BPI: variants seen among roughly 807,000 people sequenced by gnomAD.
BPI encodes the protein bactericidal permeability-increasing protein.
A neutral mutation model predicts 57.6 loss-of-function variants in BPI; 48 were observed. The ratio of observed to expected loss-of-function variants is 0.83; its 90% CI spans 0.66 to 1.06. The LOEUF (loss-of-function observed/expected upper bound fraction) is 1.06. BPI is among the 50% of genes least tolerant of loss of function. BPI has a pLI of 0.00. For synonymous variants in BPI, 237 were observed against 238.2 expected (o/e 0.99, Z 0.05); for missense variants, 651 against 609.7 (o/e 1.07, Z -0.71).
chr20:38,314,131 TGATGATGGTGGTGGTGAGATTGAG>T lies in BPI; in HGVS notation c.600+2199_600+2222del, dbSNP rs1181960166. On this transcript the variant is annotated intron_variant, in intron 5 of 14. Coordinates refer to ENST00000642449, the MANE Select transcript of BPI (RefSeq NM_001725.3). Reference sequence around the variant, plus strand: ...ATGGTAATGGTGGGGAAGATGATGATGATGATGGTGGTGGTGAGATTGAGGATGGTGATGGTGGGGATGATGATA... The same window carrying T: ...ATGGTAATGGTGGGGAAGATGATGATGATGGTGATGGTGGGGATGATGATA... Among the ~76,000 whole-genome samples, 338 of 136,410 alleles carry T rather than the reference TGATGATGGTGGTGGTGAGATTGAG, an allele frequency of 2.5e-3. 3 individuals carry two copies. The highest frequency in any genetic ancestry group is 2.9e-3 in the Admixed American group (38 of 13,238). 89.5% of individuals were successfully genotyped at this position (136,410 alleles called of 152,430 possible).
chr20:38,320,230 G>T lies in BPI; in HGVS notation c.712G>T (p.Ala238Ser). The T allele has an allele frequency of 1.9e-6, 3 of 1,614,066 alleles. No individual in the cohort carries two copies. The highest frequency in any genetic ancestry group is 2.5e-6 in the Non-Finnish European group (3 of 1,180,002). Residue 238 changes from alanine to serine, a missense_variant, in exon 7 of 15, where the codon GCA becomes TCA. Ala to Ser is a moderately conservative substitution (Grantham distance 99). Transcript: ENST00000642449. ...SVAGINYGLV[A>S]PPATTAETLD... ...GGCTGGAATCAACTATGGTCTGGTG[G>T]CACCTCCAGCAACCACGGCTGAGAC...
Position 38,335,693 on chromosome 20 carries a change from T to C in BPI, c.1413+19T>C. On this transcript the variant is annotated intron_variant, in intron 14 of 14. Transcript: ENST00000642449. ...TCACCAGGTGAGTCCCGGAGTCTTT[T>C]CCACAAATCTCCCCTAACGATAGTG... 1 of 1,607,704 alleles carries C rather than the reference T, an allele frequency of 6.2e-7. No homozygotes were observed. The highest frequency in any genetic ancestry group is 1.1e-5 in the South Asian group (1 of 90,974).
Position 38,320,270 on chromosome 20 carries a change from T to A in BPI, c.752T>A (p.Met251Lys). The change falls in exon 7 of 15, where the codon ATG (methionine) becomes AAG (lysine). Residue 251 changes from methionine (M) to lysine (K), a missense_variant. Met to Lys is a moderately conservative substitution (Grantham distance 95). Coordinates refer to ENST00000642449, the MANE Select transcript of BPI (RefSeq NM_001725.3). ...ATTAETLDVQ[M>K]KGEFYSENHH... is the part of the protein sequence containing the mutation. Reference sequence around the variant, plus strand: ...ACGGCTGAGACCCTGGATGTACAGATGAAGGTGAGGCTGACACTGAGAATC... The same window carrying A: ...ACGGCTGAGACCCTGGATGTACAGAAGAAGGTGAGGCTGACACTGAGAATC... 6 of 1,613,690 alleles carry A rather than the reference T, an allele frequency of 3.7e-6. No homozygotes were observed. The highest frequency in any genetic ancestry group is 2.2e-5 in the South Asian group (2 of 91,044).
chr20:38,315,867 C>T (rs1480622261), intron 5 of BPI, among the ~76,000 whole-genome samples: 1 of 136,398 alleles, frequency 7.3e-6, no homozygotes, highest in African/African-American at 2.7e-5. Flanking sequence ...AAGTCTCTCT[C>T]TGTTGCCCAG....
At chr20:38,335,745 C>A in intron 14 of BPI, 71 bp downstream of exon 14, 2 of 1,448,206 alleles carry the variant, frequency 1.4e-6, no homozygotes, top group Non-Finnish European at 1.9e-6. Context: ...GGCTGCAATG[C>A]TTCCTGCATG....
intron 4 of BPI, 115 bp from the exon 5 acceptor site, chr20:38,311,759 G>A (rs2122502015): frequency 1.1e-6 from 1 of 942,990 alleles, no homozygotes; most frequent in East Asian, 2.4e-5. Context: ...CAGAGGAGAG[G>A]GTGCCAAAAC....
chr20:38,330,930 G>T, intron 11 of BPI, 118 bp from the exon 12 acceptor site: 2 of 1,179,010 alleles, frequency 1.7e-6, no homozygotes, highest in Non-Finnish European at 2.5e-6. Flanking sequence ...AAGGGGAGTG[G>T]ATACTGGGTG....
intron 12 of BPI, among the ~76,000 whole-genome samples, chr20:38,333,961 A>G (rs984374896): frequency 6.7e-6 from 1 of 150,008 alleles, no homozygotes; most frequent in Non-Finnish European, 1.5e-5. Context: ...TTCTCGCCTC[A>G]GCCTCCCAAA....
chr20:38,307,849 G>A (rs867024885), intron 2 of BPI, among the ~76,000 whole-genome samples, 168 bp downstream of exon 2: 1 of 152,096 alleles, frequency 6.6e-6, no homozygotes, highest in African/African-American at 2.4e-5. Context: ...GAGCGTGGAG[G>A]AAGCCACAAA....
chr20:38,333,062 C>A (rs1020119580), intron 12 of BPI, among the ~76,000 whole-genome samples: 1 of 152,014 alleles, frequency 6.6e-6, no homozygotes, highest in African/African-American at 2.4e-5. Flanking sequence ...GCCCTCCAAC[C>A]CCAAAGTCAT....
intron 10 of BPI, 78 bp from the exon 11 acceptor site, chr20:38,327,510 C>A (rs2076719343): frequency 7.2e-6 from 11 of 1,518,702 alleles, no homozygotes; most frequent in Admixed American, 3.5e-5. Flanking sequence ...CGTTGTGAAG[C>A]TGACCCTTCT....
intron 11 of BPI, among the ~76,000 whole-genome samples, chr20:38,330,716 T>C (rs547426587): frequency 6.6e-6 from 1 of 152,310 alleles, no homozygotes; most frequent in Non-Finnish European, 1.5e-5. Flanking sequence ...TTATTCCCAA[T>C]ATTCCCAGCA....
chr20:38,325,036 C>T (rs985038824), intron 9 of BPI, among the ~76,000 whole-genome samples: 2 of 152,180 alleles, frequency 1.3e-5, no homozygotes, highest in African/African-American at 4.8e-5. Context: ...GGAGTAGATG[C>T]TGGCAGGAGG....
intron 2 of BPI, among the ~76,000 whole-genome samples, chr20:38,307,919 G>C (rs1210813875): frequency 6.6e-6 from 1 of 152,210 alleles, no homozygotes; most frequent in Non-Finnish European, 1.5e-5. Context: ...ATGTCAATTA[G>C]AATGTGCAAG....
chr20:38,311,170 T>G (rs1022075405), intron 4 of BPI, among the ~76,000 whole-genome samples: 1 of 152,210 alleles, frequency 6.6e-6, no homozygotes. Context: ...CCCCATTTTC[T>G]GGGGAGAAAA....
At position 38,327,568 on chromosome 20, in the gene BPI, C is replaced by T. The variant is rs770774033; in HGVS notation, c.1162-20C>T. ...GGTGCCTGGGTCAGGGCACTTCACC[C>T]TGGGTTGTTGTTTTGGCAGCACACA... On this transcript the variant is annotated intron_variant, in intron 10 of 14. Coordinates refer to ENST00000642449, the MANE Select transcript of BPI (RefSeq NM_001725.3). 8.7e-6 allele frequency: 14 copies of T among 1,612,076 alleles called. No individual in the cohort carries two copies. The South Asian group carries it at 1.4e-4, about 16-fold the overall frequency.
In BPI at chr20:38,337,406, G is replaced by A. The variant is rs1368552925; in HGVS notation, c.*222G>A. ...ATTATGAGCTTCTTTCAAGGGCTAA[G>A]GCTGCAGAGATATTTCCTCCAGGAA... is the stretch of plus-strand genomic sequence containing the variant. On this transcript the variant is annotated 3_prime_UTR_variant, in exon 15 of 15. Coordinates refer to ENST00000642449, the MANE Select transcript of BPI (RefSeq NM_001725.3). 1 of 417,742 alleles carries A rather than the reference G, an allele frequency of 2.4e-6. No homozygotes were observed. Among genetic ancestry groups the A allele is most frequent in the Admixed American group, 4.5e-5 (1 of 22,308 alleles). The allele number at this position is 417,742 out of a possible 1,614,324, so 25.9% of individuals were successfully genotyped here.
intron 7 of BPI, among the ~76,000 whole-genome samples, chr20:38,322,224 A>G (rs1568815386): frequency 6.6e-6 from 1 of 152,156 alleles, no homozygotes; most frequent in African/African-American, 2.4e-5. Context: ...TGCAGTGATC[A>G]TCCTTGCAAT....
intron 5 of BPI, chr20:38,317,918 G>A (rs2076660140): frequency 1.0e-6 from 1 of 985,162 alleles, no homozygotes; most frequent in Admixed American, 6.2e-5. Context: ...AGGCAGGTAG[G>A]GAATGGCTTC....
Sources: gnomAD v4.1 joint callset for allele counts (sites outside exome capture counted in the v4.1 genomes callset) on GRCh38, gnomAD v4.1.1 for gene constraint, MANE v1.5 for transcripts, NCBI Gene and HGNC (gene_info 2026-07-23, HGNC 2026-07-21) for gene names.